MCM3AP: variants seen among roughly 807,000 people sequenced by gnomAD.
MCM3AP encodes the protein minichromosome maintenance complex component 3 associated protein, also known as germinal-center associated nuclear protein.
A neutral mutation model predicts 184.1 loss-of-function variants in MCM3AP; 126 were observed. That is an observed-to-expected ratio of 0.68 (90% confidence interval 0.59 to 0.79). The LOEUF is 0.79. Among genes scored for constraint, MCM3AP ranks in the 30% least tolerant of loss-of-function variants. The pLI, the probability that MCM3AP is intolerant of heterozygous loss-of-function variation, is 0.00. For missense variants in MCM3AP, 2,496 were observed against 2,479.2 expected, an observed-to-expected ratio of 1.01 and a Z score of -0.14; for synonymous variants, 1,002 against 979.3, an observed-to-expected ratio of 1.02 and a Z score of -0.43.
intron 19 of MCM3AP, 195 bp from the exon 20 acceptor site, chr21:46,251,877 CGTTCTTTT>C: frequency 4.8e-6 from 1 of 209,664 alleles, no homozygotes; most frequent in Admixed American, 7.9e-5. Flanking sequence ...GATCTGTACT[CGTTCTTTT>C]TTTTTTTTTT....
intron 12 of MCM3AP, among the ~76,000 whole-genome samples, chr21:46,264,532 A>T (rs540243199): frequency 6.6e-5 from 10 of 152,156 alleles, no homozygotes; most frequent in Admixed American, 2.6e-4. Flanking sequence ...GCTGGTGCCC[A>T]GTGCCTGCCC....
Position 46,254,533 on chromosome 21 carries a change from G to C in MCM3AP, c.4002-7C>G, listed in dbSNP as rs748017675. 9.9e-6 allele frequency: 16 copies of C among 1,613,792 alleles called. No homozygotes were observed. The South Asian group carries it at 1.5e-4, about 16-fold the overall frequency. On this transcript the variant is annotated splice_region_variant and splice_polypyrimidine_tract_variant and intron_variant, in intron 18 of 27. Transcript: ENST00000291688. ...AGACGCCCATGCCACATCACTGGGA[G>C]GAACAGACCACCGTGGATTAGCCAG...
intron 2 of MCM3AP, among the ~76,000 whole-genome samples, chr21:46,281,989 C>T (rs1179263178): frequency 6.6e-6 from 1 of 152,112 alleles, no homozygotes; most frequent in South Asian, 2.1e-4. Flanking sequence ...CAGAGCAAGG[C>T]CCCGTCTCAA....
At chr21:46,261,439 A>C in intron 13 of MCM3AP, 28 bp from the exon 14 acceptor site, 1 of 1,610,738 alleles carries the variant, frequency 6.2e-7, no homozygotes, top group Non-Finnish European at 8.5e-7. Flanking sequence ...GATAGCATTC[A>C]AAATCAGAGT....
chr21:46,282,824 TAAAA>T (rs1378883943), intron 2 of MCM3AP, among the ~76,000 whole-genome samples: 1 of 151,738 alleles, frequency 6.6e-6, no homozygotes, highest in Non-Finnish European at 1.5e-5. Context: ...AATAAATAAA[TAAAA>T]AGAAAGTATT....
Position 46,258,932 on chromosome 21 carries a change from G to A in MCM3AP, c.3734+7C>T, listed in dbSNP as rs780599829. On this transcript the variant is annotated splice_region_variant and intron_variant, in intron 16 of 27. Coordinates refer to ENST00000291688, the MANE Select transcript of MCM3AP (RefSeq NM_003906.5). Reference sequence around the variant, plus strand: ...GTGGATTTTGCCTGTAGGAACACAGGACTCACCGCTGTAGATACTTGCAGA... The same window carrying A: ...GTGGATTTTGCCTGTAGGAACACAGAACTCACCGCTGTAGATACTTGCAGA... The A allele has an allele frequency of 6.2e-7, 1 of 1,613,984 alleles. No homozygotes were observed. The highest frequency in any genetic ancestry group is 8.5e-7 in the Non-Finnish European group (1 of 1,179,940).
intron 9 of MCM3AP, among the ~76,000 whole-genome samples, chr21:46,269,518 G>A (rs533702535): frequency 2.0e-5 from 3 of 152,294 alleles, no homozygotes; most frequent in African/African-American, 7.2e-5. Context: ...GAGCAAACCT[G>A]CAAAAGACCT....
intron 2 of MCM3AP, 142 bp from the exon 3 acceptor site, chr21:46,280,717 A>C: frequency 1.6e-6 from 1 of 615,662 alleles, no homozygotes; most frequent in Non-Finnish European, 2.9e-6. Context: ...TGATTTCTCC[A>C]CCCACACGTC....
At chr21:46,256,646 T>G (rs1298050514) in intron 17 of MCM3AP, 143 bp downstream of exon 17, 27 of 1,016,272 alleles carry the variant, frequency 2.7e-5, no homozygotes, top group Non-Finnish European at 3.6e-5. Flanking sequence ...ACCCTGTGCC[T>G]GTCCTCGCCT....
Position 46,285,342 on chromosome 21 carries a change from C to T in MCM3AP, c.-56G>A, listed in dbSNP as rs962420661. 1.2e-5 allele frequency: 15 copies of T among 1,218,304 alleles called. No homozygotes were observed. The East Asian group carries it at 3.5e-4, about 28-fold the overall frequency. The allele number at this position is 1,218,304 out of a possible 1,614,324, so 75.5% of individuals were successfully genotyped here. A position where few individuals can be genotyped will look rare whatever the true frequency, so the allele number is the denominator to read the frequency against. ...GTATTATGTGTACAAAATTAATTGG[C>T]TTCCTGAAACAGCCTGTAGCACTAG... is the stretch of plus-strand genomic sequence containing the variant. On this transcript the variant is annotated 5_prime_UTR_variant, in exon 1 of 28. Transcript: ENST00000291688.
intron 16 of MCM3AP, among the ~76,000 whole-genome samples, 171 bp downstream of exon 16, chr21:46,258,768 T>C (rs1406423101): frequency 6.6e-6 from 1 of 152,208 alleles, no homozygotes; most frequent in Non-Finnish European, 1.5e-5. Context: ...TAATCAAGTA[T>C]TTCTGAAATG....
intron 10 of MCM3AP, 29 bp from the exon 11 acceptor site, chr21:46,266,195 G>C (rs764102766): frequency 1.3e-6 from 2 of 1,574,254 alleles, no homozygotes; most frequent in African/African-American, 2.7e-5. Flanking sequence ...ACCCCCGAGG[G>C]GTGTCACCAG....
At chr21:46,252,047 G>C (rs17183123) in intron 19 of MCM3AP, 77,331 of 167,650 alleles carry the variant, frequency 0.46, 18,182 homozygotes, top group Admixed American at 0.51. Flanking sequence ...TTTGTAGAGT[G>C]TCACTCAAAG....
At position 46,270,500 on chromosome 21, in the gene MCM3AP, A is replaced by C. The variant is rs2081165413; in HGVS notation, c.2529T>G (p.Ala843=). 2.5e-6 allele frequency: 4 copies of C among 1,613,760 alleles called. No homozygotes were observed. The Admixed American group carries it at 6.7e-5, about 27-fold the overall frequency. ...AATTATTACTGTTCAATGCAGCAAA[A>C]GCCTGAACAGCAAATTTCACCTCAG... ...NSSEVKFAVQ[A]FAALNSNNFV... is the part of the protein sequence containing the mutation. The change falls in exon 9 of 28, where the codon GCT becomes GCG. Residue 843 remains alanine (A), a synonymous_variant. Coordinates refer to ENST00000291688, the MANE Select transcript of MCM3AP (RefSeq NM_003906.5).
chr21:46,254,089 C>T (rs2080912079), intron 19 of MCM3AP: 2 of 369,508 alleles, frequency 5.4e-6, no homozygotes, highest in African/African-American at 2.1e-5. Context: ...GCCTCCCCAG[C>T]CATGCTTCCT....
chr21:46,250,366 AC>A (rs1323191377), intron 20 of MCM3AP: 3 of 147,164 alleles, frequency 2.0e-5, no homozygotes, highest in Non-Finnish European at 4.6e-5. Context: ...GGCCAAGAGG[AC>A]CCCCCTGATT....
chr21:46,267,410 A>G, intron 9 of MCM3AP: 1 of 429,174 alleles, frequency 2.3e-6, no homozygotes, highest in South Asian at 3.0e-5. Flanking sequence ...AAATCATGAA[A>G]CAAACTGTCC....
At position 46,256,909 on chromosome 21, in the gene MCM3AP, T is replaced by G. The variant is rs747571297; in HGVS notation, c.3812A>C (p.Asp1271Ala). The change falls in exon 17 of 28, where the codon GAC becomes GCC. Residue 1271 changes from aspartate to alanine, a missense_variant. Coordinates refer to ENST00000291688, the MANE Select transcript of MCM3AP (RefSeq NM_003906.5). ...RAFPAAPCCVDVSDRLRALAP... is the reference protein window; with the variant it reads ...RAFPAAPCCVAVSDRLRALAP... ...CAGCGCCCTCAGCCGGTCGCTCACG[T>G]CCACGCAGCAGGGCGCAGCAGGGAA... The G allele has an allele frequency of 3.1e-6, 5 of 1,610,336 alleles. 1 individual carries two copies. In the South Asian group the frequency reaches 4.4e-5, roughly 14 times the overall value.
rs563691656 is a variant in MCM3AP, at chr21:46,269,660, C to T, written c.2628+741G>A. On this transcript the variant is annotated intron_variant, in intron 9 of 27. Transcript: ENST00000291688. ...TCTCCCAGGCAGCATCCTCCCCACGCTGTGGCCACTACGGGCTTGTGGCAA... is the reference window on the plus strand; with the variant it reads ...TCTCCCAGGCAGCATCCTCCCCACGTTGTGGCCACTACGGGCTTGTGGCAA... Among the ~76,000 whole-genome samples, 111 of 152,292 alleles carry T rather than the reference C, an allele frequency of 7.3e-4. 1 individual carries two copies. The highest frequency in any genetic ancestry group is 1.8e-4 in the Non-Finnish European group (12 of 68,010).
Sources: gnomAD v4.1 joint callset for allele counts (sites outside exome capture counted in the v4.1 genomes callset) on GRCh38, gnomAD v4.1.1 for gene constraint, MANE v1.5 for transcripts, NCBI Gene and HGNC (gene_info 2026-07-23, HGNC 2026-07-21) for gene names.